The following CCBE1 variants were observed in gnomAD, a reference collection of about 807,000 sequenced individuals.
CCBE1 encodes collagen and calcium binding EGF domains 1, also known as collagen and calcium-binding EGF domain-containing protein 1.
In CCBE1, 37 loss-of-function variants were observed where a neutral mutation model predicts 50.0. The observed-to-expected ratio is 0.74, with a 90% CI of 0.57 to 0.97. The LOEUF (loss-of-function observed/expected upper bound fraction) is 0.97, where lower values mean the gene tolerates loss of function less well. Among genes scored for constraint, CCBE1 ranks in the 50% least tolerant of loss-of-function variants. The probability of loss-of-function intolerance (pLI) is 0.00; values close to 1 mark genes in which losing one functional copy is unlikely to be tolerated. For missense variants in CCBE1, 538 were observed against 523.8 expected (o/e 1.03, Z -0.26); for synonymous variants, 234 against 203.7 (o/e 1.15, Z -1.27).
intron 2 of CCBE1, among the ~76,000 whole-genome samples, chr18:59,577,930 G>A (rs950390627): frequency 1.3e-5 from 2 of 149,908 alleles, no homozygotes; most frequent in South Asian, 2.1e-4. Context: ...AACACCAAAA[G>A]CAATGGCAAC....
At chr18:59,554,443 A>T (rs185916264) in intron 2 of CCBE1, among the ~76,000 whole-genome samples, 279 of 152,316 alleles carry the variant, frequency 1.8e-3, no homozygotes, top group African/African-American at 6.4e-3. Context: ...TGATGGTATG[A>T]CTTAAAACTA....
At chr18:59,471,299 G>A (rs907766710) in intron 3 of CCBE1, among the ~76,000 whole-genome samples, 1 of 152,144 alleles carries the variant, frequency 6.6e-6, no homozygotes, top group Non-Finnish European at 1.5e-5. Context: ...CTAAATAGCT[G>A]ACTTGCATTG....
At chr18:59,610,352 A>C (rs2053551985) in intron 2 of CCBE1, among the ~76,000 whole-genome samples, 1 of 152,206 alleles carries the variant, frequency 6.6e-6, no homozygotes, top group Non-Finnish European at 1.5e-5. Context: ...ACGTCCAAGA[A>C]TGGATTTTAA....
intron 2 of CCBE1, among the ~76,000 whole-genome samples, chr18:59,658,412 T>G (rs1394392189): frequency 1.6e-5 from 1 of 63,700 alleles, no homozygotes; most frequent in African/African-American, 5.9e-5. Context: ...TATATATATA[T>G]ATATAAAGTT....
chr18:59,440,137 C>T (rs998337635), intron 7 of CCBE1, among the ~76,000 whole-genome samples: 1 of 152,206 alleles, frequency 6.6e-6, no homozygotes, highest in Admixed American at 6.5e-5. Flanking sequence ...ACCTCTTTAA[C>T]ATCTCACAGC....
At chr18:59,498,816 C>A (rs116719921) in intron 2 of CCBE1, among the ~76,000 whole-genome samples, 5 of 152,156 alleles carry the variant, frequency 3.3e-5, no homozygotes, top group Non-Finnish European at 5.9e-5. Context: ...TAAACAGATG[C>A]ATTTCTATTT....
chr18:59,493,316 G>A (rs1913198595), intron 2 of CCBE1, among the ~76,000 whole-genome samples: 1 of 152,186 alleles, frequency 6.6e-6, no homozygotes, highest in Admixed American at 6.5e-5. Context: ...GTCACTGGAA[G>A]GAGAAATTCA....
At chr18:59,497,827 C>T (rs1411186064) in intron 2 of CCBE1, among the ~76,000 whole-genome samples, 1 of 152,176 alleles carries the variant, frequency 6.6e-6, no homozygotes, top group Non-Finnish European at 1.5e-5. Context: ...TCCTGCCCCT[C>T]CAGGTTAAAA....
chr18:59,484,519 G>T (rs768631358), intron 2 of CCBE1, among the ~76,000 whole-genome samples: 1 of 152,188 alleles, frequency 6.6e-6, no homozygotes, highest in Non-Finnish European at 1.5e-5. Flanking sequence ...AGCATTTCAA[G>T]GGCTTAGGAC....
chr18:59,486,450 T>C (rs1912827477), intron 2 of CCBE1, among the ~76,000 whole-genome samples: 1 of 152,238 alleles, frequency 6.6e-6, no homozygotes, highest in African/African-American at 2.4e-5. Context: ...AATGTTATAT[T>C]GCTTTCTTCT....
intron 2 of CCBE1, among the ~76,000 whole-genome samples, chr18:59,648,015 A>C (rs1486821941): frequency 6.6e-6 from 1 of 152,230 alleles, no homozygotes; most frequent in Admixed American, 6.5e-5. Flanking sequence ...AAATCCTTAC[A>C]TCAAAACTAT....
chr18:59,551,045 GAAAAA>G (rs1245706285), intron 2 of CCBE1, among the ~76,000 whole-genome samples: 1 of 108,116 alleles, frequency 9.2e-6, no homozygotes, highest in African/African-American at 3.3e-5. Flanking sequence ...GAAAAGAAAA[GAAAAA>G]AAAGAAAAAA....
chr18:59,652,248 T>A (rs2054136201), intron 2 of CCBE1, among the ~76,000 whole-genome samples: 1 of 152,208 alleles, frequency 6.6e-6, no homozygotes, highest in Non-Finnish European at 1.5e-5. Flanking sequence ...CACCTTTCTT[T>A]AAAAATCTCA....
intron 2 of CCBE1, among the ~76,000 whole-genome samples, chr18:59,538,580 C>T (rs1402255926): frequency 6.6e-6 from 1 of 152,096 alleles, no homozygotes; most frequent in Non-Finnish European, 1.5e-5. Context: ...AATTACTCAC[C>T]AAAGGGTGCT....
At chr18:59,603,643 G>A (rs1162780891) in intron 2 of CCBE1, among the ~76,000 whole-genome samples, 1 of 152,144 alleles carries the variant, frequency 6.6e-6, no homozygotes, top group Non-Finnish European at 1.5e-5. Flanking sequence ...AATGAAATTA[G>A]CATTATCTTC....
At chr18:59,626,461 T>C (rs556587094) in intron 2 of CCBE1, among the ~76,000 whole-genome samples, 1 of 152,350 alleles carries the variant, frequency 6.6e-6, no homozygotes, top group African/African-American at 2.4e-5. Flanking sequence ...TGAACACTTA[T>C]CAGGCTTATG....
At chr18:59,466,447 C>T (rs1008920171) in intron 5 of CCBE1, among the ~76,000 whole-genome samples, 5 of 151,876 alleles carry the variant, frequency 3.3e-5, no homozygotes, top group African/African-American at 1.2e-4. Context: ...GTTTTTTAAA[C>T]CTCTTTTTCT....
chr18:59,645,602 A>G (rs567807047), intron 2 of CCBE1, among the ~76,000 whole-genome samples: 2 of 152,308 alleles, frequency 1.3e-5, no homozygotes, highest in South Asian at 4.1e-4. Flanking sequence ...AATATCTGCC[A>G]TCTCAGATTT....
At chr18:59,512,146 T>C (rs1598966263) in intron 2 of CCBE1, among the ~76,000 whole-genome samples, 1 of 152,166 alleles carries the variant, frequency 6.6e-6, no homozygotes, top group Middle Eastern at 3.4e-3. Flanking sequence ...CTGGGAAAGG[T>C]GTGGTCCCTT....
Sources: gnomAD v4.1 joint callset for allele counts (sites outside exome capture counted in the v4.1 genomes callset) on GRCh38, gnomAD v4.1.1 for gene constraint, MANE v1.5 for transcripts, NCBI Gene and HGNC (gene_info 2026-07-23, HGNC 2026-07-21) for gene names.